ARL10: variants seen among roughly 807,000 people sequenced by gnomAD.
ARL10 encodes ARF like GTPase 10.
ARL10 carries 23 observed loss-of-function variants against 26.1 expected under a neutral mutation model. The ratio of observed to expected loss-of-function variants is 0.88; its 90% confidence interval spans 0.63 to 1.25. ARL10 has a LOEUF of 1.25. Ranked by LOEUF, ARL10 falls within the 50% of genes most tolerant of loss-of-function variation. The pLI is 0.00. For missense variants in ARL10, 300 were observed against 323.6 expected, an observed-to-expected ratio of 0.93 and a Z score of 0.56; for synonymous variants, 138 against 149.1, an observed-to-expected ratio of 0.93 and a Z score of 0.54.
downstream of ARL10, chr5:176,384,763 C>G (rs146301085): frequency 4.0e-3 from 1,414 of 357,654 alleles, 20 homozygotes; most frequent in African/African-American, 0.026. Flanking sequence ...GAGCGAGATT[C>G]TGTCTCAAAA....
exon 2 of ARL10, chr5:176,388,470 G>A (rs374285141): frequency 3.5e-5 from 56 of 1,614,080 alleles, no homozygotes; most frequent in Non-Finnish European, 4.5e-5. Context: ...CGAGCATTCC[G>A]GTTCAGACGC....
At position 176,394,623 on chromosome 5, in the gene ARL10, G is replaced by A. The variant is rs955670095; in HGVS notation, c.134-7118G>A. Among the ~76,000 whole-genome samples, 3 of 151,326 alleles carry A rather than the reference G, an allele frequency of 2.0e-5. No individual in the cohort carries two copies. In the East Asian group the frequency reaches 5.9e-4, roughly 30 times the overall value. ...ACGAGGTCAGATGGAGAGCATCCTG[G>A]CTAACACGGTGAAACCCCGTCTCTA... On this transcript the variant is annotated intron_variant, in intron 1 of 1. Transcript: ENST00000514533.
Position 176,377,494 on chromosome 5 carries a change from A to G in ARL10, c.*5599A>G, listed in dbSNP as rs763428702. 1.3e-5 allele frequency: 2 copies of G among 152,230 alleles called. No individual in the cohort carries two copies. Among genetic ancestry groups the G allele is most frequent in the African/African-American group, 2.4e-5 (1 of 41,462 alleles). The allele number at this position is 152,230 out of a possible 1,614,324, so 9.4% of individuals were successfully genotyped here. On this transcript the variant is annotated 3_prime_UTR_variant, in exon 4 of 4. Coordinates refer to ENST00000310389, the MANE Select transcript of ARL10 (RefSeq NM_173664.6). This position sits in a 1 kb window ranked among gnomAD's most constrained non-coding sequence, Gnocchi z 4.5. ...AGCTCTCCTACACAGGAAAGCTTCT[A>G]TCCAACCAGAAAACATGCCAACTAT...
At chr5:176,382,754 C>T (rs1434833315), downstream of ARL10, among the ~76,000 whole-genome samples, 2 of 152,056 alleles carry the variant, frequency 1.3e-5, no homozygotes, top group Admixed American at 6.6e-5. Flanking sequence ...AGAGCAAGGC[C>T]GTCTCACAAA....
At chr5:176,388,604 A>C in exon 2 of ARL10, 1 of 1,478,810 alleles carries the variant, frequency 6.8e-7, no homozygotes, top group Non-Finnish European at 9.3e-7. Context: ...CGTGTAACAA[A>C]CTCCTTCCGG....
At chr5:176,404,219 T>C (rs531948408), downstream of ARL10, among the ~76,000 whole-genome samples, 1 of 152,346 alleles carries the variant, frequency 6.6e-6, no homozygotes, top group African/African-American at 2.4e-5. Flanking sequence ...GCATAGTTTG[T>C]GTGCCTGCTT....
In ARL10 at chr5:176,366,418, G is replaced by T. The variant is rs1452314547; in HGVS notation, c.222G>T (p.Glu74Asp). The part of the protein sequence containing the change: ...DEEDEEPALE[E>D]LEQREVLVLG... ...AGGACGAGGAGCCGGCGCTGGAGGA[G>T]CTGGAACAGCGCGAGGTGCTGGTGC... The change falls in exon 2 of 4, where the codon GAG (glutamate) becomes GAT (aspartate). Residue 74 changes from glutamate to aspartate, a missense_variant. By Grantham distance (45) the Glu-to-Asp change is conservative. Transcript: ENST00000310389. 6.2e-7 allele frequency: 1 copy of T among 1,612,356 alleles called. No individual in the cohort carries two copies.
At chr5:176,366,187 G>T (rs1302144264) in intron 1 of ARL10, among the ~76,000 whole-genome samples, 193 bp from the exon 2 acceptor site, 1 of 152,216 alleles carries the variant, frequency 6.6e-6, no homozygotes, top group Admixed American at 6.5e-5. Context: ...GGGCGCGCGA[G>T]CGTTTAAGGA....
chr5:176,412,507 C>T, the ARL10 span, among the ~76,000 whole-genome samples: 1 of 152,150 alleles, frequency 6.6e-6, no homozygotes, highest in Non-Finnish European at 1.5e-5. Context: ...ATCTGCAAGG[C>T]TCTCAGAAAC....
rs1156837474 is a variant in ARL10, at chr5:176,365,667, G to A, written c.104G>A (p.Gly35Asp). The change falls in exon 1 of 4, where the codon GGC becomes GAC. Residue 35 changes from glycine (G) to aspartate (D), a missense_variant. By Grantham distance (94) the Gly-to-Asp change is moderately conservative. Coordinates refer to ENST00000310389, the MANE Select transcript of ARL10 (RefSeq NM_173664.6). The stretch of plus-strand genomic sequence containing the variant: ...CTCTGGAAGACCTACTTCGGCCGCG[G>A]CCGAGAGCGGCGCTGGGACCGGGGA... The part of the protein sequence containing the change: ...FILWKTYFGR[G>D]RERRWDRGEA... 1.6e-6 allele frequency: 2 copies of A among 1,249,532 alleles called. No homozygotes were observed. Among genetic ancestry groups the A allele is most frequent in the African/African-American group, 3.1e-5 (2 of 64,502 alleles). 77.4% of individuals were successfully genotyped at this position (1,249,532 alleles called of 1,614,324 possible). A position where few individuals can be genotyped will look rare whatever the true frequency, so the allele number is the denominator to read the frequency against.
chr5:176,398,149 A>C (rs1007172407), intron 1 of ARL10: 5 of 987,242 alleles, frequency 5.1e-6, no homozygotes, highest in Admixed American at 1.8e-5. Context: ...ACTCAGCCTC[A>C]AACAACCTCA....
chr5:176,392,692 G>A (rs563903618), downstream of ARL10: 9 of 1,505,860 alleles, frequency 6.0e-6, no homozygotes, highest in Middle Eastern at 2.4e-4. This position sits in a 1 kb window ranked among gnomAD's most constrained non-coding sequence, Gnocchi z 5.2. Flanking sequence ...CAGCTGCTGC[G>A]AGTCTCCACC....
the ARL10 span, among the ~76,000 whole-genome samples, chr5:176,410,031 C>T: frequency 6.6e-6 from 1 of 152,212 alleles, no homozygotes; most frequent in African/African-American, 2.4e-5. Flanking sequence ...CATGGGCAAC[C>T]TGAGGCTACT....
downstream of ARL10, chr5:176,386,607 C>G (rs557786438): frequency 6.4e-6 from 4 of 620,168 alleles, no homozygotes; most frequent in South Asian, 6.5e-5. Flanking sequence ...CACCTGGGTA[C>G]ATCCTCCCTA....
intron 2 of ARL10, chr5:176,367,802 T>C (rs1357347670): frequency 2.0e-6 from 1 of 494,708 alleles, no homozygotes; most frequent in Non-Finnish European, 4.0e-6. Context: ...CAACCCCTGT[T>C]CCACCTCAGC....
At chr5:176,383,106 G>A (rs1390442684), downstream of ARL10, among the ~76,000 whole-genome samples, 5 of 152,274 alleles carry the variant, frequency 3.3e-5, no homozygotes, top group Non-Finnish European at 5.9e-5. Flanking sequence ...GAAAGCCTAG[G>A]CTTAGTTGTT....
At chr5:176,413,757 C>A in the ARL10 span, among the ~76,000 whole-genome samples, 1 of 152,230 alleles carries the variant, frequency 6.6e-6, no homozygotes, top group Non-Finnish European at 1.5e-5. Context: ...CTGAGAAGGT[C>A]AGATCAATTC....
chr5:176,387,937 G>A (rs1299797039), intron 1 of ARL10, among the ~76,000 whole-genome samples: 3 of 152,162 alleles, frequency 2.0e-5, no homozygotes, highest in Non-Finnish European at 4.4e-5. Flanking sequence ...TACTAATTAG[G>A]AAAGTTAAGG....
downstream of ARL10, chr5:176,406,578 C>T (rs772027074): frequency 7.0e-6 from 9 of 1,288,732 alleles, no homozygotes; most frequent in South Asian, 2.5e-5. Context: ...GGTGGGGAGG[C>T]GGAGTCCTGC....
Sources: allele counts gnomAD v4.1 joint callset (sites outside exome capture counted in the v4.1 genomes callset), GRCh38; gene constraint gnomAD v4.1.1; non-coding constraint Gnocchi (gnomAD v3.1); transcripts MANE v1.5; gene names NCBI Gene and HGNC (gene_info 2026-07-23, HGNC 2026-07-21).